The following ZNF438 variants were observed in gnomAD, a reference collection of about 807,000 sequenced individuals.
ZNF438 encodes the protein zinc finger protein 438.
ZNF438 carries 25 observed loss-of-function variants against 38.0 expected under a neutral mutation model. That is an observed-to-expected ratio of 0.66 (90% CI 0.48 to 0.92). The LOEUF (loss-of-function observed/expected upper bound fraction) is 0.92, where lower values mean the gene tolerates loss of function less well. Among genes scored for constraint, ZNF438 ranks in the 40% least tolerant of loss-of-function variants. ZNF438 has a pLI of 0.00. For missense variants in ZNF438, 1,007 were observed against 999.6 expected (o/e 1.01, Z -0.10); for synonymous variants, 372 against 364.1 (o/e 1.02, Z -0.25).
chr10:31,026,445 C>T (rs2056948405), intron 1 of ZNF438, among the ~76,000 whole-genome samples: 1 of 152,166 alleles, frequency 6.6e-6, no homozygotes, highest in Non-Finnish European at 1.5e-5. Flanking sequence ...TGAACAGACA[C>T]TTCTCAAAAG....
At chr10:30,889,583 T>C (rs948761230) in intron 3 of ZNF438, among the ~76,000 whole-genome samples, 1 of 152,170 alleles carries the variant, frequency 6.6e-6, no homozygotes, top group African/African-American at 2.4e-5. Context: ...TGTTTGTGTT[T>C]TTAGTAGAGA....
At chr10:30,945,817 G>T (rs559829735) in intron 1 of ZNF438, among the ~76,000 whole-genome samples, 1 of 107,102 alleles carries the variant, frequency 9.3e-6, no homozygotes, top group Admixed American at 1.2e-4. Flanking sequence ...GGACATTTGG[G>T]TTGGTTCCAA....
chr10:31,005,655 C>T (rs1039403276), intron 1 of ZNF438, among the ~76,000 whole-genome samples: 1 of 152,012 alleles, frequency 6.6e-6, no homozygotes, highest in African/African-American at 2.4e-5. Context: ...TTTCCTGCCA[C>T]TAAAAAGAGT....
chr10:30,973,705 C>A (rs941946482), intron 1 of ZNF438, among the ~76,000 whole-genome samples: 1 of 152,238 alleles, frequency 6.6e-6, no homozygotes, highest in South Asian at 2.1e-4. Context: ...AGAAGAAAAG[C>A]GACCAAAGCC....
intron 1 of ZNF438, among the ~76,000 whole-genome samples, chr10:30,953,686 T>C (rs1331877110): frequency 1.4e-5 from 2 of 147,672 alleles, no homozygotes; most frequent in Non-Finnish European, 3.0e-5. Flanking sequence ...AAAACAAACA[T>C]GTGGCATTGG....
At chr10:30,929,254 G>A (rs561917249) in intron 2 of ZNF438, among the ~76,000 whole-genome samples, 21 of 152,290 alleles carry the variant, frequency 1.4e-4, no homozygotes, top group South Asian at 6.2e-4. Context: ...ATGGACCCTC[G>A]CAGTGAGTGT....
At chr10:30,985,914 A>G (rs928343460) in intron 1 of ZNF438, among the ~76,000 whole-genome samples, 2 of 152,238 alleles carry the variant, frequency 1.3e-5, no homozygotes, top group African/African-American at 4.8e-5. Flanking sequence ...GTGTCAGTCA[A>G]CAACAGACTG....
chr10:30,944,563 C>G (rs1204772704), intron 1 of ZNF438, among the ~76,000 whole-genome samples: 1 of 152,162 alleles, frequency 6.6e-6, no homozygotes, highest in Admixed American at 6.5e-5. Flanking sequence ...TAGACACATT[C>G]AAGGACTTAA....
At chr10:30,852,362 C>T (rs2033816428) in intron 4 of ZNF438, among the ~76,000 whole-genome samples, 1 of 151,982 alleles carries the variant, frequency 6.6e-6, no homozygotes, top group Non-Finnish European at 1.5e-5. Flanking sequence ...GCATGTGCCA[C>T]CACACCCAGC....
chr10:31,016,832 C>A (rs1040715342), intron 1 of ZNF438, among the ~76,000 whole-genome samples: 1 of 152,148 alleles, frequency 6.6e-6, no homozygotes, highest in Non-Finnish European at 1.5e-5. Flanking sequence ...GGTTATGTGC[C>A]TAGCTAAATA....
chr10:30,914,473 A>C (rs1266427710), intron 2 of ZNF438, among the ~76,000 whole-genome samples: 1 of 152,030 alleles, frequency 6.6e-6, no homozygotes, highest in Non-Finnish European at 1.5e-5. Flanking sequence ...GAGTTCGAGA[A>C]AAACTAGGAA....
chr10:30,965,320 T>TC (rs1564751208), intron 1 of ZNF438, among the ~76,000 whole-genome samples: 1 of 152,162 alleles, frequency 6.6e-6, no homozygotes, highest in African/African-American at 2.4e-5. Context: ...AAGGCAATTC[T>TC]TATACACTGC....
chr10:31,005,345 G>C (rs1225006909), intron 1 of ZNF438, among the ~76,000 whole-genome samples: 1 of 152,140 alleles, frequency 6.6e-6, no homozygotes, highest in South Asian at 2.1e-4. Flanking sequence ...AGGAGATCCT[G>C]CCATTTGCTA....
At chr10:30,850,332 T>C in exon 5 of ZNF438, 1 of 1,614,124 alleles carries the variant, frequency 6.2e-7, no homozygotes, top group Admixed American at 1.7e-5. Context: ...AAACCTTTCC[T>C]ACTCTGTATT....
intron 1 of ZNF438, among the ~76,000 whole-genome samples, chr10:30,978,170 C>A (rs575293444): frequency 6.6e-6 from 1 of 152,256 alleles, no homozygotes; most frequent in South Asian, 2.1e-4. Flanking sequence ...TACCAAACAT[C>A]GATTCAAGAA....
intron 1 of ZNF438, among the ~76,000 whole-genome samples, chr10:31,006,277 C>T (rs1428853794): frequency 2.0e-5 from 3 of 152,110 alleles, no homozygotes; most frequent in Admixed American, 6.5e-5. Flanking sequence ...ACCCTCCAAG[C>T]TCTAGGAAGG....
At chr10:30,886,105 G>T (rs1350180276) in intron 3 of ZNF438, among the ~76,000 whole-genome samples, 1 of 152,146 alleles carries the variant, frequency 6.6e-6, no homozygotes, top group Non-Finnish European at 1.5e-5. Context: ...ACCTGAAGAA[G>T]CTGAGTGAAG....
chr10:30,942,458 A>G lies in ZNF438; in HGVS notation c.-191-807T>C, dbSNP rs2046916161. 6.6e-5 allele frequency among the ~76,000 whole-genome samples: 10 copies of G among 152,346 alleles called. No homozygotes were observed. In the South Asian group the frequency reaches 2.1e-3, roughly 32 times the overall value. On this transcript the variant is annotated intron_variant, in intron 1 of 5. Transcript: ENST00000413025. Reference sequence around the variant, plus strand: ...ATGAGAAGAAATCAGAGTAACTGCAATAAAAGTAAAAAGTTTAAAATTCTC... The same window carrying G: ...ATGAGAAGAAATCAGAGTAACTGCAGTAAAAGTAAAAAGTTTAAAATTCTC...
intron 2 of ZNF438, among the ~76,000 whole-genome samples, chr10:30,922,013 G>A (rs2044352879): frequency 6.6e-6 from 1 of 152,126 alleles, no homozygotes; most frequent in Non-Finnish European, 1.5e-5. Context: ...CTATAGTAAG[G>A]CCTTGTTCTT....
Sources: gnomAD v4.1 joint callset for allele counts (sites outside exome capture counted in the v4.1 genomes callset) on GRCh38, gnomAD v4.1.1 for gene constraint, MANE v1.5 for transcripts, NCBI Gene and HGNC (gene_info 2026-07-23, HGNC 2026-07-21) for gene names.